TMIGD3: variants seen among roughly 807,000 people sequenced by gnomAD.
TMIGD3 encodes transmembrane and immunoglobulin domain containing 3, also known as AD026 protein (AD026).
A neutral mutation model predicts 28.1 loss-of-function variants in TMIGD3; 21 were observed. That is an observed-to-expected ratio of 0.75 (90% CI 0.53 to 1.08). The LOEUF is 1.08. Ranked by LOEUF, TMIGD3 falls within the 50% of genes least tolerant of loss-of-function variation. TMIGD3 has a pLI of 0.00. For synonymous variants in TMIGD3, 151 were observed against 162.1 expected (o/e 0.93, Z 0.52); for missense variants, 416 against 435.6 (o/e 0.96, Z 0.40).
chr1:111,552,350 TAA>T (rs1166450043), intron 1 of TMIGD3, among the ~76,000 whole-genome samples: 5 of 152,244 alleles, frequency 3.3e-5, no homozygotes, highest in Non-Finnish European at 7.3e-5. Context: ...AGGCAAGTTA[TAA>T]TGTCACAAGT....
intron 1 of TMIGD3, among the ~76,000 whole-genome samples, chr1:111,530,037 C>T (rs191963197): frequency 2.1e-5 from 3 of 145,600 alleles, no homozygotes; most frequent in Non-Finnish European, 4.5e-5. Context: ...GGCGGCTGGC[C>T]GGGCAGAGGG....
chr1:111,512,050 A>G (rs952762514), intron 1 of TMIGD3, among the ~76,000 whole-genome samples: 15 of 152,194 alleles, frequency 9.9e-5, no homozygotes, highest in Admixed American at 6.5e-4. Flanking sequence ...AGCCCCCTTC[A>G]CTGGCTCGTT....
chr1:111,560,897 T>A (rs547000653), intron 1 of TMIGD3, among the ~76,000 whole-genome samples: 6 of 152,308 alleles, frequency 3.9e-5, no homozygotes, highest in African/African-American at 1.4e-4. Context: ...CTTCAGGACC[T>A]GTAGCCCAAT....
rs575007525 is a variant in TMIGD3, at chr1:111,501,894, G to C, written c.350+1111C>G. ...GCAATTTAGGTCACCCGGGGAAGTA[G>C]ATTTCTCCATTTGGCAGTTCGTTCT... On this transcript the variant is annotated intron_variant, in intron 1 of 5. Coordinates refer to ENST00000369716, the MANE Select transcript of TMIGD3 (RefSeq NM_020683.7). Among the ~76,000 whole-genome samples the C allele has an allele frequency of 3.3e-5, 5 of 151,556 alleles. No homozygotes were observed. In the East Asian group the frequency reaches 7.7e-4, roughly 23 times the overall value.
intron 3 of TMIGD3, among the ~76,000 whole-genome samples, chr1:111,487,965 C>A (rs562683216): frequency 4.1e-4 from 63 of 152,080 alleles, no homozygotes; most frequent in African/African-American, 1.4e-3. Flanking sequence ...CCACCACATC[C>A]AGCTAATTTT....
chr1:111,492,268 C>G (rs2100964980), intron 1 of TMIGD3, among the ~76,000 whole-genome samples: 1 of 152,276 alleles, frequency 6.6e-6, no homozygotes, highest in East Asian at 1.9e-4. Context: ...ATTTCTGCCC[C>G]TTAGAAACCA....
At chr1:111,558,616 G>A (rs1305896460) in intron 1 of TMIGD3, among the ~76,000 whole-genome samples, 2 of 152,120 alleles carry the variant, frequency 1.3e-5, no homozygotes, top group Non-Finnish European at 2.9e-5. Context: ...GAAAGCTTGT[G>A]TAGTTATAAT....
At chr1:111,506,948 C>T (rs2364811), upstream of TMIGD3, among the ~76,000 whole-genome samples, 1 of 91,656 alleles carries the variant, frequency 1.1e-5, no homozygotes, top group Non-Finnish European at 2.2e-5. Flanking sequence ...CATATATATA[C>T]ACACACATAT....
chr1:111,537,010 A>C (rs1195858951), intron 1 of TMIGD3, among the ~76,000 whole-genome samples: 6 of 152,204 alleles, frequency 3.9e-5, no homozygotes, highest in African/African-American at 7.2e-5. Flanking sequence ...TTAGCAATTC[A>C]GGTTCAAGTT....
intron 1 of TMIGD3, among the ~76,000 whole-genome samples, chr1:111,530,027 G>A (rs938810407): frequency 6.7e-6 from 1 of 149,348 alleles, no homozygotes; most frequent in African/African-American, 2.5e-5. Flanking sequence ...TCCCGGACGG[G>A]GCGGCTGGCC....
At chr1:111,522,428 T>A (rs1656099818) in intron 1 of TMIGD3, among the ~76,000 whole-genome samples, 1 of 152,212 alleles carries the variant, frequency 6.6e-6, no homozygotes, top group Non-Finnish European at 1.5e-5. Flanking sequence ...TATTTGTCGT[T>A]CTTTAATTTC....
chr1:111,536,231 G>GTT (rs34091536), intron 1 of TMIGD3, among the ~76,000 whole-genome samples: 1 of 146,288 alleles, frequency 6.8e-6, no homozygotes. Flanking sequence ...TATTTTTTAA[G>GTT]TTTTTTTTTT....
chr1:111,527,097 G>GC (rs1441762334), intron 1 of TMIGD3, among the ~76,000 whole-genome samples: 4 of 127,336 alleles, frequency 3.1e-5, no homozygotes, highest in African/African-American at 1.2e-4. Flanking sequence ...TGCAACCTCT[G>GC]CCTCCTGGGT....
intron 1 of TMIGD3, among the ~76,000 whole-genome samples, chr1:111,560,324 A>G (rs905427106): frequency 4.6e-5 from 7 of 151,872 alleles, no homozygotes; most frequent in Admixed American, 2.6e-4. Flanking sequence ...GCAGAGGTAG[A>G]TGGTCCTGGT....
upstream of TMIGD3, among the ~76,000 whole-genome samples, chr1:111,506,378 C>A (rs1655489930): frequency 6.6e-6 from 1 of 152,192 alleles, no homozygotes; most frequent in African/African-American, 2.4e-5. Context: ...TGCATCATAC[C>A]AACTACTCAG....
chr1:111,524,872 G>A (rs926833126), intron 1 of TMIGD3, among the ~76,000 whole-genome samples: 11 of 151,686 alleles, frequency 7.3e-5, no homozygotes, highest in East Asian at 3.9e-4. Context: ...TGCCTGACTC[G>A]GCCTCCCAAA....
At chr1:111,493,451 T>C (rs1654756322) in intron 1 of TMIGD3, among the ~76,000 whole-genome samples, 1 of 152,114 alleles carries the variant, frequency 6.6e-6, no homozygotes, top group African/African-American at 2.4e-5. Context: ...CCTTCCACCA[T>C]GGGTGGAAGC....
At chr1:111,489,885 C>T (rs968767242) in intron 2 of TMIGD3, among the ~76,000 whole-genome samples, 1 of 152,058 alleles carries the variant, frequency 6.6e-6, no homozygotes, top group African/African-American at 2.4e-5. Context: ...CACACCATGT[C>T]CAGCTTGACC....
chr1:111,541,577 T>C (rs1656824942), intron 1 of TMIGD3, among the ~76,000 whole-genome samples: 1 of 152,066 alleles, frequency 6.6e-6, no homozygotes, highest in Non-Finnish European at 1.5e-5. Flanking sequence ...ATGCATAGTC[T>C]GAAACTCTGG....
Sources: allele counts gnomAD v4.1 joint callset (sites outside exome capture counted in the v4.1 genomes callset), GRCh38; gene constraint gnomAD v4.1.1; transcripts MANE v1.5; gene names NCBI Gene and HGNC (gene_info 2026-07-23, HGNC 2026-07-21).